The following TJP2 variants were observed in gnomAD, a reference collection of about 807,000 sequenced individuals.
TJP2 encodes Friedreich ataxia region gene X104 (tight junction protein ZO-2).
TJP2 carries 91 observed loss-of-function variants against 133.1 expected under a neutral mutation model. That is an observed-to-expected ratio of 0.68 (90% CI 0.58 to 0.81). TJP2 has a LOEUF of 0.81. TJP2 is among the 40% of genes least tolerant of loss of function. TJP2 has a pLI of 0.00. For synonymous variants in TJP2, 592 were observed against 583.4 expected (o/e 1.01, Z -0.21); for missense variants, 1,541 against 1,565.6 (o/e 0.98, Z 0.26).
At chr9:69,205,558 C>T (rs979691050) in intron 1 of TJP2, among the ~76,000 whole-genome samples, 3 of 152,114 alleles carry the variant, frequency 2.0e-5, no homozygotes, top group Non-Finnish European at 2.9e-5. Context: ...TGTGTTTGTT[C>T]ATGTTTGAGA....
intron 1 of TJP2, among the ~76,000 whole-genome samples, chr9:69,192,051 C>A (rs1459429289): frequency 6.6e-6 from 1 of 151,900 alleles, no homozygotes; most frequent in Non-Finnish European, 1.5e-5. Flanking sequence ...TGTTTTAAAT[C>A]TTATATTAAG....
intron 1 of TJP2, among the ~76,000 whole-genome samples, chr9:69,207,831 C>G (rs1563910019): frequency 6.6e-6 from 1 of 150,704 alleles, no homozygotes; most frequent in Non-Finnish European, 1.5e-5. Flanking sequence ...GCAGCCTGTG[C>G]CCAGGGATGT....
rs954521480 is a variant in TJP2 at position 69,254,825 on chromosome 9, T to C, written c.*451T>C. ...AAGAAGTACTTTATTGCAACTCTTT[T>C]AAGTGCCTTGGATGAGAAGTGTCTT... On this transcript the variant is annotated 3_prime_UTR_variant, in exon 23 of 23. Transcript: ENST00000377245. 2.2e-6 allele frequency: 1 copy of C among 464,238 alleles called. No individual in the cohort carries two copies. The highest frequency in any genetic ancestry group is 3.8e-6 in the Non-Finnish European group (1 of 265,750). The allele number at this position is 464,238 out of a possible 1,614,324, so 28.8% of individuals were successfully genotyped here.
At chr9:69,137,265 CTT>C (rs1486291248) in intron 1 of TJP2, among the ~76,000 whole-genome samples, 2 of 96,882 alleles carry the variant, frequency 2.1e-5, no homozygotes, top group Non-Finnish European at 3.7e-5. Flanking sequence ...TTCTTTCTTT[CTT>C]TCTTTTTCTT....
chr9:69,169,842 ACTTATTT>A (rs2132903982), upstream of TJP2, among the ~76,000 whole-genome samples: 1 of 152,258 alleles, frequency 6.6e-6, no homozygotes, highest in East Asian at 1.9e-4. Flanking sequence ...CTTCTGACCA[ACTTATTT>A]CTTATTTTTT....
At chr9:69,161,352 C>T (rs1017867719) in intron 2 of TJP2, among the ~76,000 whole-genome samples, 2 of 152,160 alleles carry the variant, frequency 1.3e-5, no homozygotes, top group African/African-American at 2.4e-5. Context: ...CCTCAGCCTC[C>T]CAAGTAGCTG....
At chr9:69,198,159 T>TTTTTTA (rs10674501) in intron 1 of TJP2, among the ~76,000 whole-genome samples, 3 of 133,134 alleles carry the variant, frequency 2.3e-5, no homozygotes, top group African/African-American at 8.1e-5. Flanking sequence ...TTTTTTTTTT[T>TTTTTTA]GAGACTGAGT....
At chr9:69,221,887 C>T (rs529000453) in intron 5 of TJP2, among the ~76,000 whole-genome samples, 1,266 of 110,036 alleles carry the variant, frequency 0.012, 10 homozygotes, top group Non-Finnish European at 0.017. Context: ...TTTTTTGAGA[C>T]GGAGTCTTGA....
At chr9:69,155,745 G>C (rs1168589410) in intron 2 of TJP2, among the ~76,000 whole-genome samples, 1 of 152,210 alleles carries the variant, frequency 6.6e-6, no homozygotes, top group African/African-American at 2.4e-5. Context: ...GTAGACTTTG[G>C]AGCCTAATTT....
intron 1 of TJP2, among the ~76,000 whole-genome samples, chr9:69,138,428 C>T (rs1240289931): frequency 2.7e-5 from 4 of 150,532 alleles, no homozygotes; most frequent in South Asian, 2.1e-4. Context: ...TCTGGGCTTT[C>T]ACCTTTTTCC....
At chr9:69,138,633 G>C (rs11145411) in intron 1 of TJP2, among the ~76,000 whole-genome samples, 26,880 of 152,042 alleles carry the variant, frequency 0.18, 2,462 homozygotes, top group Middle Eastern at 0.23. Flanking sequence ...CAGGCAGCCG[G>C]GAGGCTGGGC....
At chr9:69,144,799 C>T (rs995844548) in intron 1 of TJP2, among the ~76,000 whole-genome samples, 4 of 152,156 alleles carry the variant, frequency 2.6e-5, no homozygotes, top group African/African-American at 9.7e-5. Context: ...TCCTATCAGC[C>T]CTGGTTAGCA....
rs1394299393 is a variant in TJP2, at chr9:69,124,070, C to T, written c.-131+2345C>T. Among the ~76,000 whole-genome samples the T allele has an allele frequency of 2.7e-5, 2 of 74,006 alleles. 1 individual carries two copies. The highest frequency in any genetic ancestry group is 6.1e-5 in the Non-Finnish European group (2 of 32,700). 48.6% of individuals were successfully genotyped at this position (74,006 alleles called of 152,430 possible). ...TTTTTTTTCTTTTTTTTAGTAGAGA[C>T]GGGGTTTCACCGTGTTAGCCAGGAT... On this transcript the variant is annotated intron_variant, in intron 1 of 5. Transcript: ENST00000423935.
chr9:69,204,839 A>C, intron 1 of TJP2: 1 of 1,104,716 alleles, frequency 9.1e-7, no homozygotes, highest in Non-Finnish European at 1.1e-6. Context: ...AATTCTGTCA[A>C]CTTAGATGCT....
intron 3 of TJP2, among the ~76,000 whole-genome samples, chr9:69,218,038 A>G (rs1375624000): frequency 6.6e-6 from 1 of 152,160 alleles, no homozygotes; most frequent in East Asian, 1.9e-4. Flanking sequence ...CTCTTCCCAG[A>G]TGATTTCCAT....
chr9:69,171,048 T>C (rs1057454635), upstream of TJP2, among the ~76,000 whole-genome samples: 4 of 152,242 alleles, frequency 2.6e-5, no homozygotes, highest in Admixed American at 1.3e-4. Flanking sequence ...GGATGACCCA[T>C]AGCACTTGAA....
Position 69,254,295 on chromosome 9 carries a change from A to G in TJP2, c.3494A>G (p.Glu1165Gly), listed in dbSNP as rs985749828. The G allele has an allele frequency of 3.7e-6, 6 of 1,614,194 alleles. No homozygotes were observed. The highest frequency in any genetic ancestry group is 5.1e-6 in the Non-Finnish European group (6 of 1,180,034). The change falls in exon 23 of 23, where the codon GAG becomes GGG. Residue 1165 changes from glutamate (E) to glycine (G), a missense_variant. By Grantham distance (98) the Glu-to-Gly change is moderately conservative. Coordinates refer to ENST00000377245, the MANE Select transcript of TJP2 (RefSeq NM_004817.4). ...TATGGCAGTGATGCCGAGGAGGAGG[A>G]GTACCGCCAGCAGCTGTCAGAACAC... ...GSYGSDAEEE[E>G]YRQQLSEHSK...
chr9:69,129,356 T>C (rs1017632890), intron 1 of TJP2, among the ~76,000 whole-genome samples: 4 of 148,788 alleles, frequency 2.7e-5, no homozygotes, highest in Non-Finnish European at 3.0e-5. Flanking sequence ...ACTAAAAATA[T>C]GAAAAATTAG....
chr9:69,218,732 C>CT (rs1247331793), intron 4 of TJP2, among the ~76,000 whole-genome samples: 2 of 152,212 alleles, frequency 1.3e-5, no homozygotes, highest in African/African-American at 4.8e-5. Context: ...TCTTCATAGA[C>CT]TAAGAGTTTC....
Sources: allele counts gnomAD v4.1 joint callset (sites outside exome capture counted in the v4.1 genomes callset), GRCh38; gene constraint gnomAD v4.1.1; transcripts MANE v1.5; gene names NCBI Gene and HGNC (gene_info 2026-07-23, HGNC 2026-07-21).